UNC5C: variants seen among roughly 807,000 people sequenced by gnomAD.
The protein encoded by UNC5C is netrin receptor UNC5C.
In UNC5C, 47 loss-of-function variants were observed where a neutral mutation model predicts 99.8. The observed-to-expected ratio is 0.47, with a 90% CI of 0.37 to 0.60. The LOEUF is 0.60. Ranked by LOEUF, UNC5C falls within the 20% of genes least tolerant of loss-of-function variation. The probability of loss-of-function intolerance (pLI) is 0.00; values close to 1 mark genes in which losing one functional copy is unlikely to be tolerated. For synonymous variants in UNC5C, 487 were observed against 452.2 expected, an observed-to-expected ratio of 1.08 and a Z score of -0.98; for missense variants, 1,062 against 1,165.9, an observed-to-expected ratio of 0.91 and a Z score of 1.30.
intron 1 of UNC5C, among the ~76,000 whole-genome samples, chr4:95,548,389 C>T (rs1578221891): frequency 6.6e-6 from 1 of 152,104 alleles, no homozygotes; most frequent in East Asian, 1.9e-4. Context: ...TCTTTCCAAA[C>T]CTCCGTGTGT....
rs142139808 is a variant in UNC5C at position 95,381,033 on chromosome 4, C to T, written c.125-45402G>A. 6.7e-3 allele frequency among the ~76,000 whole-genome samples: 1,023 copies of T among 152,204 alleles called. 5 individuals carry two copies. The highest frequency in any genetic ancestry group is 0.011 in the Non-Finnish European group (720 of 68,012). On this transcript the variant is annotated intron_variant, in intron 1 of 15. Coordinates refer to ENST00000453304, the MANE Select transcript of UNC5C (RefSeq NM_003728.4). ...CTCATTACATAGGAGAAGAAAACAA[C>T]GTATTTAGGATTTAATATTCTTAAT...
At chr4:95,198,949 G>A (rs1272465600) in intron 12 of UNC5C, among the ~76,000 whole-genome samples, 5 of 152,138 alleles carry the variant, frequency 3.3e-5, no homozygotes, top group Admixed American at 1.3e-4. Flanking sequence ...AATAACCCAG[G>A]GAGTATTAAG....
chr4:95,351,641 T>G (rs1033783963), intron 1 of UNC5C, among the ~76,000 whole-genome samples: 1 of 151,962 alleles, frequency 6.6e-6, no homozygotes, highest in East Asian at 1.9e-4. Flanking sequence ...GCTATGACCA[T>G]GCCACTGAAC....
chr4:95,186,887 G>C (rs1736853733), intron 12 of UNC5C, among the ~76,000 whole-genome samples: 1 of 152,066 alleles, frequency 6.6e-6, no homozygotes. Context: ...CTAGTCTGCT[G>C]TGCCTGAGCT....
At chr4:95,459,897 C>T (rs1365852285) in intron 1 of UNC5C, among the ~76,000 whole-genome samples, 3 of 152,154 alleles carry the variant, frequency 2.0e-5, no homozygotes, top group African/African-American at 7.2e-5. Flanking sequence ...ATTTGTCACT[C>T]ACTCATGGAT....
At chr4:95,292,763 T>C (rs1218415088) in intron 3 of UNC5C, among the ~76,000 whole-genome samples, 1 of 152,208 alleles carries the variant, frequency 6.6e-6, no homozygotes, top group Non-Finnish European at 1.5e-5. Context: ...TGATTCACAT[T>C]GAATAGTATC....
intron 1 of UNC5C, among the ~76,000 whole-genome samples, chr4:95,421,432 C>T (rs1746316507): frequency 6.6e-6 from 1 of 151,962 alleles, no homozygotes; most frequent in Non-Finnish European, 1.5e-5. Flanking sequence ...TTATATCCAA[C>T]ATATTTATCG....
At chr4:95,547,271 G>C (rs1723094909) in intron 1 of UNC5C, among the ~76,000 whole-genome samples, 1 of 151,946 alleles carries the variant, frequency 6.6e-6, no homozygotes, top group Admixed American at 6.6e-5. Flanking sequence ...CACTTAGCAG[G>C]GCAGCAGGAA....
In UNC5C at chr4:95,293,176, A is replaced by G. The variant is rs907153858; in HGVS notation, c.490+8430T>C. Among the ~76,000 whole-genome samples the G allele has an allele frequency of 5.3e-5, 8 of 152,186 alleles. No homozygotes were observed. The South Asian group carries it at 1.7e-3, about 32-fold the overall frequency. On this transcript the variant is annotated intron_variant, in intron 3 of 15. Transcript: ENST00000453304. ...GTTCTTGCAAGCAGCCTATATGTGG[A>G]ATGAATCTATTGCATTCTGGAAACA...
chr4:95,532,802 G>A (rs1231723241), intron 1 of UNC5C, among the ~76,000 whole-genome samples: 6 of 151,948 alleles, frequency 3.9e-5, no homozygotes, highest in Non-Finnish European at 8.8e-5. Flanking sequence ...TTCATGGTCC[G>A]GGAGATTGTA....
intron 1 of UNC5C, among the ~76,000 whole-genome samples, chr4:95,336,311 G>T (rs17369242): frequency 6.6e-6 from 1 of 151,690 alleles, no homozygotes; most frequent in Non-Finnish European, 1.5e-5. Context: ...CAAAAGTCAA[G>T]GTAAAAACAG....
At chr4:95,544,939 T>G (rs1380675162) in intron 1 of UNC5C, among the ~76,000 whole-genome samples, 1 of 152,248 alleles carries the variant, frequency 6.6e-6, no homozygotes, top group Non-Finnish European at 1.5e-5. Context: ...CAGAAAAGTG[T>G]TAAACGCAGT....
chr4:95,292,240 T>C (rs1161149898), intron 3 of UNC5C, among the ~76,000 whole-genome samples: 1,470 of 23,946 alleles, frequency 0.061, 6 homozygotes, highest in Non-Finnish European at 0.077. Flanking sequence ...CACACACATA[T>C]ATATATATAT....
At chr4:95,434,350 A>G (rs1475852940) in intron 1 of UNC5C, among the ~76,000 whole-genome samples, 1 of 152,088 alleles carries the variant, frequency 6.6e-6, no homozygotes, top group Non-Finnish European at 1.5e-5. Context: ...TTATTCATTC[A>G]TTCATACATG....
chr4:95,335,319 A>T, intron 2 of UNC5C, 91 bp downstream of exon 2: 2 of 1,201,458 alleles, frequency 1.7e-6, no homozygotes, highest in Non-Finnish European at 2.3e-6. Flanking sequence ...TCCATTTTCC[A>T]TTCCACTAAT....
At chr4:95,202,988 A>G (rs1298136956) in intron 11 of UNC5C, 24 bp from the exon 12 acceptor site, 3 of 1,612,590 alleles carry the variant, frequency 1.9e-6, no homozygotes, top group Non-Finnish European at 8.5e-7. Flanking sequence ...GGGAAGGGCC[A>G]TGGCTAAGTC....
intron 2 of UNC5C, among the ~76,000 whole-genome samples, chr4:95,310,805 T>TGG (rs145632509): frequency 1.3e-5 from 2 of 151,808 alleles, no homozygotes; most frequent in South Asian, 4.2e-4. Flanking sequence ...GTAACTGGGT[T>TGG]GGGGGGGGAT....
At chr4:95,236,719 T>C (rs1739132234) in intron 7 of UNC5C, among the ~76,000 whole-genome samples, 1 of 152,184 alleles carries the variant, frequency 6.6e-6, no homozygotes, top group African/African-American at 2.4e-5. Flanking sequence ...TACACGCTTA[T>C]CACTAAATAC....
intron 1 of UNC5C, among the ~76,000 whole-genome samples, chr4:95,449,418 T>C (rs1435802272): frequency 6.6e-6 from 1 of 152,176 alleles, no homozygotes; most frequent in African/African-American, 2.4e-5. Context: ...GAAAAATAAT[T>C]CTAAATTTGT....
Sources: allele counts gnomAD v4.1 joint callset (sites outside exome capture counted in the v4.1 genomes callset), GRCh38; gene constraint gnomAD v4.1.1; transcripts MANE v1.5; gene names NCBI Gene and HGNC (gene_info 2026-07-23, HGNC 2026-07-21).